RAB22A: variants seen among roughly 807,000 people sequenced by gnomAD.
RAB22A encodes the protein RAB22A, member RAS oncogene family.
In RAB22A, 13 loss-of-function variants were observed where a neutral mutation model predicts 30.2. The observed-to-expected ratio is 0.43, with a 90% CI of 0.28 to 0.68. RAB22A has a LOEUF of 0.68. RAB22A is among the 30% of genes least tolerant of loss of function. The probability of loss-of-function intolerance (pLI) is 0.18; values close to 1 mark genes in which losing one functional copy is unlikely to be tolerated. For missense variants in RAB22A, 177 were observed against 246.8 expected (o/e 0.72, Z 1.89); for synonymous variants, 89 against 87.2 (o/e 1.02, Z -0.11).
chr20:58,320,116 T>C (rs1986423243), intron 2 of RAB22A, among the ~76,000 whole-genome samples: 1 of 152,212 alleles, frequency 6.6e-6, no homozygotes, highest in Non-Finnish European at 1.5e-5. Flanking sequence ...ATCAAATGAG[T>C]TGAGGAATGT....
intron 2 of RAB22A, among the ~76,000 whole-genome samples, chr20:58,321,735 A>G (rs748695915): frequency 2.3e-5 from 3 of 127,754 alleles, no homozygotes; most frequent in Non-Finnish European, 4.8e-5. Flanking sequence ...ATATTTTTAT[A>G]TAACATACAT....
intron 2 of RAB22A, among the ~76,000 whole-genome samples, chr20:58,326,477 GTTT>G (rs1030099389): frequency 4.6e-5 from 7 of 152,088 alleles, no homozygotes; most frequent in African/African-American, 1.7e-4. Flanking sequence ...ATGTCCCAGA[GTTT>G]TTTGTTTGTT....
At chr20:58,320,872 A>G (rs921335863) in intron 2 of RAB22A, among the ~76,000 whole-genome samples, 5 of 152,124 alleles carry the variant, frequency 3.3e-5, no homozygotes, top group Admixed American at 3.3e-4. Context: ...CCTGGCCAAC[A>G]TGGTGAAACC....
chr20:58,317,254 G>A (rs1829924657), intron 2 of RAB22A, among the ~76,000 whole-genome samples: 1 of 151,872 alleles, frequency 6.6e-6, no homozygotes, highest in Non-Finnish European at 1.5e-5. Context: ...CCACCACCAC[G>A]TCCAGCTAAT....
At chr20:58,358,226 C>T (rs183109751) in intron 6 of RAB22A, among the ~76,000 whole-genome samples, 1 of 152,258 alleles carries the variant, frequency 6.6e-6, no homozygotes, top group African/African-American at 2.4e-5. Context: ...TGTCATTATG[C>T]TTCACGGAGC....
intron 3 of RAB22A, among the ~76,000 whole-genome samples, chr20:58,347,854 T>C (rs60396251): frequency 0.03 from 4,516 of 152,216 alleles, 226 homozygotes; most frequent in African/African-American, 0.1. Flanking sequence ...ACAACACATA[T>C]ATTAAAAAAC....
rs1431079594 is a variant in RAB22A, at chr20:58,364,857, C to T, written c.*5154C>T. ...TCAAGCAGTTCTCCTGCCTCAGCCT[C>T]CTGAGTAGCTGGGATGACAGGCGTG... On this transcript the variant is annotated 3_prime_UTR_variant, in exon 7 of 7. Transcript: ENST00000244040. 1.3e-5 allele frequency: 2 copies of T among 151,810 alleles called. No individual in the cohort carries two copies. Among genetic ancestry groups the T allele is most frequent in the African/African-American group, 4.8e-5 (2 of 41,284 alleles). The allele number at this position is 151,810 out of a possible 1,614,324, so 9.4% of individuals were successfully genotyped here.
chr20:58,320,694 A>G (rs1986436964), intron 2 of RAB22A, among the ~76,000 whole-genome samples: 1 of 152,172 alleles, frequency 6.6e-6, no homozygotes, highest in Non-Finnish European at 1.5e-5. Context: ...TGTCTTAGAA[A>G]TATATTTTCT....
intron 6 of RAB22A, among the ~76,000 whole-genome samples, chr20:58,359,252 G>A (rs2122974205): frequency 6.6e-6 from 1 of 152,262 alleles, no homozygotes; most frequent in Non-Finnish European, 1.5e-5. Flanking sequence ...CGTTTACTAA[G>A]TGCTGTGTGA....
In RAB22A at chr20:58,360,521, A is replaced by AT. The variant is rs11481267; in HGVS notation, c.*827dup. ...GAAGAAGGTGGTATAAATGCTGTCA[A>AT]TTTTTTTTTAACCCAAGTATTTTGG... On this transcript the variant is annotated 3_prime_UTR_variant, in exon 7 of 7. Coordinates refer to ENST00000244040, the MANE Select transcript of RAB22A (RefSeq NM_020673.3). The AT allele has an allele frequency of 0.14, 21,470 of 152,218 alleles. 2,516 individuals carry two copies. The highest frequency in any genetic ancestry group is 0.32 in the African/African-American group (13,266 of 41,378). The allele number at this position is 152,218 out of a possible 1,614,324, so 9.4% of individuals were successfully genotyped here. A position where few individuals can be genotyped will look rare whatever the true frequency, so the allele number is the denominator to read the frequency against.
At chr20:58,355,613 A>G (rs989623244) in intron 6 of RAB22A, among the ~76,000 whole-genome samples, 1 of 152,134 alleles carries the variant, frequency 6.6e-6, no homozygotes, top group Non-Finnish European at 1.5e-5. Flanking sequence ...TGAGGTCAGG[A>G]GTTTAAGACC....
At chr20:58,344,739 A>G (rs553512357) in intron 3 of RAB22A, among the ~76,000 whole-genome samples, 1 of 152,362 alleles carries the variant, frequency 6.6e-6, no homozygotes, top group East Asian at 1.9e-4. Flanking sequence ...TGTGTGTAGT[A>G]TGAAATCTGA....
chr20:58,340,704 TA>T (rs1382344081), intron 2 of RAB22A, among the ~76,000 whole-genome samples: 1 of 152,042 alleles, frequency 6.6e-6, no homozygotes, highest in Non-Finnish European at 1.5e-5. Context: ...AGGCAAACTT[TA>T]AAAAGAAAAA....
intron 2 of RAB22A, among the ~76,000 whole-genome samples, chr20:58,329,056 C>CTT (rs34919452): frequency 0.027 from 3,718 of 139,762 alleles, 166 homozygotes; most frequent in African/African-American, 0.088. Flanking sequence ...TGCATATTCC[C>CTT]TTTTTTTTTT....
At chr20:58,354,649 G>A (rs1355039337) in intron 6 of RAB22A, among the ~76,000 whole-genome samples, 2 of 152,138 alleles carry the variant, frequency 1.3e-5, no homozygotes, top group Non-Finnish European at 2.9e-5. Context: ...AATAATACTA[G>A]GCAAGTGAAA....
At chr20:58,318,555 T>C (rs1986389179) in intron 2 of RAB22A, among the ~76,000 whole-genome samples, 1 of 146,364 alleles carries the variant, frequency 6.8e-6, no homozygotes, top group African/African-American at 2.5e-5. Flanking sequence ...AAACCCTTCT[T>C]TTTTTTTTTC....
rs1044442982 is a variant in RAB22A at position 58,361,960 on chromosome 20, A to G, written c.*2257A>G. On this transcript the variant is annotated 3_prime_UTR_variant, in exon 7 of 7. Transcript: ENST00000244040. ...ACTGTACCGAGCCCAATGTGGGTCC[A>G]TCTCATCAGCCCTTTGCTGATTTCA... is the stretch of plus-strand genomic sequence containing the variant. The G allele has an allele frequency of 2.6e-5, 4 of 152,118 alleles. No homozygotes were observed. Among genetic ancestry groups the G allele is most frequent in the Non-Finnish European group, 4.4e-5 (3 of 68,020 alleles). 9.4% of individuals were successfully genotyped at this position (152,118 alleles called of 1,614,324 possible).
chr20:58,344,187 A>T (rs1394924310), intron 3 of RAB22A, among the ~76,000 whole-genome samples: 1 of 152,216 alleles, frequency 6.6e-6, no homozygotes, highest in East Asian at 1.9e-4. Context: ...TTTAAAAGCT[A>T]AAGAGGGAAC....
chr20:58,353,669 AGTC>A (rs1423476393), intron 5 of RAB22A, 131 bp downstream of exon 5: 1 of 809,378 alleles, frequency 1.2e-6, no homozygotes. Context: ...GTGTGGTTGG[AGTC>A]CTAAATTTTT....
Sources: allele counts gnomAD v4.1 joint callset (sites outside exome capture counted in the v4.1 genomes callset), GRCh38; gene constraint gnomAD v4.1.1; transcripts MANE v1.5; gene names NCBI Gene and HGNC (gene_info 2026-07-23, HGNC 2026-07-21).